GPR39: variants seen among roughly 807,000 people sequenced by gnomAD.
The protein encoded by GPR39 is G protein-coupled receptor 39.
In GPR39, 23 loss-of-function variants were observed where a neutral mutation model predicts 18.4. That is an observed-to-expected ratio of 1.25 (90% CI 0.90 to 1.77). GPR39 has a LOEUF of 1.77. GPR39 is among the 40% of genes most tolerant of loss of function. The pLI is 0.00. For missense variants in GPR39, 647 were observed against 602.4 expected, an observed-to-expected ratio of 1.07 and a Z score of -0.78; for synonymous variants, 280 against 257.9, an observed-to-expected ratio of 1.09 and a Z score of -0.82.
chr2:132,526,209 T>A (rs1679505335), intron 1 of GPR39, among the ~76,000 whole-genome samples: 1 of 152,220 alleles, frequency 6.6e-6, no homozygotes, highest in Non-Finnish European at 1.5e-5. Context: ...TTATTGGAGA[T>A]GTTTTTAGCA....
At chr2:132,518,951 C>G (rs4389371) in intron 1 of GPR39, among the ~76,000 whole-genome samples, 77,803 of 152,094 alleles carry the variant, frequency 0.51, 20,329 homozygotes, top group Non-Finnish European at 0.56. Context: ...TTCCACATGG[C>G]ACAGGATGGG....
At chr2:132,549,068 C>T (rs910693742) in intron 1 of GPR39, among the ~76,000 whole-genome samples, 5 of 152,172 alleles carry the variant, frequency 3.3e-5, no homozygotes, top group Non-Finnish European at 7.3e-5. Flanking sequence ...AATATCCTCT[C>T]TTCTCTCCTT....
intron 1 of GPR39, among the ~76,000 whole-genome samples, chr2:132,505,676 T>C (rs186927773): frequency 6.6e-6 from 1 of 152,356 alleles, no homozygotes; most frequent in Non-Finnish European, 1.5e-5. Context: ...GCCTGACTTA[T>C]TTCACTTAGT....
intron 1 of GPR39, among the ~76,000 whole-genome samples, chr2:132,542,766 T>A (rs1460031080): frequency 6.6e-6 from 1 of 151,778 alleles, no homozygotes; most frequent in Non-Finnish European, 1.5e-5. Context: ...GCTTGGGTTA[T>A]GGGTACAGAT....
chr2:132,545,411 C>G (rs554824348), intron 1 of GPR39, among the ~76,000 whole-genome samples: 96 of 152,306 alleles, frequency 6.3e-4, no homozygotes, highest in African/African-American at 2.2e-3. Flanking sequence ...TCCATAAACT[C>G]TCTCATGTTC....
At chr2:132,473,062 G>A (rs1376401298) in intron 1 of GPR39, among the ~76,000 whole-genome samples, 3 of 152,112 alleles carry the variant, frequency 2.0e-5, no homozygotes, top group African/African-American at 4.8e-5. Flanking sequence ...CTGCTACAGA[G>A]TTCTCTGTTC....
At chr2:132,499,381 TG>T (rs1681709951) in intron 1 of GPR39, among the ~76,000 whole-genome samples, 1 of 152,194 alleles carries the variant, frequency 6.6e-6, no homozygotes. Context: ...GCATTTGGCT[TG>T]ATTTCTGGGT....
intron 1 of GPR39, among the ~76,000 whole-genome samples, chr2:132,630,172 G>C (rs769551547): frequency 3.9e-5 from 6 of 152,112 alleles, no homozygotes; most frequent in Non-Finnish European, 8.8e-5. Context: ...GCGGTGCAAA[G>C]ACTGACATCC....
chr2:132,641,381 C>T (rs1244889168), intron 1 of GPR39, among the ~76,000 whole-genome samples: 1 of 151,978 alleles, frequency 6.6e-6, no homozygotes, highest in African/African-American at 2.4e-5. Context: ...CTTGGGGCTT[C>T]CTTGGTTTGA....
chr2:132,496,064 A>T (rs916728760), intron 1 of GPR39, among the ~76,000 whole-genome samples: 1 of 152,100 alleles, frequency 6.6e-6, no homozygotes, highest in African/African-American at 2.4e-5. Flanking sequence ...CTGCCAGAAA[A>T]CAGCCGCTGG....
chr2:132,603,994 T>C (rs2104843935), intron 1 of GPR39, among the ~76,000 whole-genome samples: 1 of 152,140 alleles, frequency 6.6e-6, no homozygotes, highest in East Asian at 1.9e-4. Flanking sequence ...TTCATGTGTG[T>C]TTGTGCTGAC....
chr2:132,521,609 A>C (rs1679428125), intron 1 of GPR39, among the ~76,000 whole-genome samples: 1 of 152,180 alleles, frequency 6.6e-6, no homozygotes, highest in Non-Finnish European at 1.5e-5. Context: ...AGCATCTCTC[A>C]AAGAGGTAAG....
intron 1 of GPR39, among the ~76,000 whole-genome samples, chr2:132,564,810 C>CTTTTTTTTTTTTCTT (rs1680317409): frequency 2.1e-5 from 2 of 95,440 alleles, no homozygotes; most frequent in Non-Finnish European, 3.9e-5. Context: ...TTTCTTTTTT[C>CTTTTTTTTTTTTCTT]TTTTTTTTTT....
intron 1 of GPR39, among the ~76,000 whole-genome samples, chr2:132,600,802 AAATC>A (rs1681029961): frequency 6.6e-6 from 1 of 152,168 alleles, no homozygotes; most frequent in Non-Finnish European, 1.5e-5. Context: ...TTAAAAAAAA[AAATC>A]AATAGCTTTA....
At chr2:132,505,511 T>C (rs926092557) in intron 1 of GPR39, among the ~76,000 whole-genome samples, 1 of 152,196 alleles carries the variant, frequency 6.6e-6, no homozygotes, top group Non-Finnish European at 1.5e-5. Flanking sequence ...TCTAACTCTA[T>C]GTTTGTACTC....
chr2:132,552,598 G>C (rs954129358), intron 1 of GPR39, among the ~76,000 whole-genome samples: 5 of 151,948 alleles, frequency 3.3e-5, no homozygotes, highest in African/African-American at 1.2e-4. Context: ...TAATAATCTA[G>C]AGATTATTTA....
intron 1 of GPR39, among the ~76,000 whole-genome samples, chr2:132,588,978 T>C (rs1374968939): frequency 6.7e-6 from 1 of 148,982 alleles, no homozygotes; most frequent in East Asian, 2.1e-4. Context: ...CTTGCTCTGA[T>C]CTCCCCTTAG....
chr2:132,539,170 C>T (rs1313792056), intron 1 of GPR39, among the ~76,000 whole-genome samples: 1 of 152,150 alleles, frequency 6.6e-6, no homozygotes, highest in Non-Finnish European at 1.5e-5. Context: ...GTGCTTGAAA[C>T]CCAGGGCCCT....
intron 1 of GPR39, among the ~76,000 whole-genome samples, chr2:132,639,095 G>A (rs941481154): frequency 3.3e-5 from 5 of 152,042 alleles, no homozygotes; most frequent in Non-Finnish European, 7.3e-5. Flanking sequence ...AGTGTTGTTC[G>A]GCTCAGACCA....
Sources: allele counts gnomAD v4.1 joint callset (sites outside exome capture counted in the v4.1 genomes callset), GRCh38; gene constraint gnomAD v4.1.1; transcripts MANE v1.5; gene names NCBI Gene and HGNC (gene_info 2026-07-23, HGNC 2026-07-21).